The following CAST variants were observed in gnomAD, a reference collection of about 807,000 sequenced individuals.
CAST encodes calpastatin, also known as MIR583 host.
A neutral mutation model predicts 119.6 loss-of-function variants in CAST; 76 were observed. The observed-to-expected ratio is 0.64, with a 90% CI of 0.53 to 0.77. The LOEUF (loss-of-function observed/expected upper bound fraction) is 0.77. CAST is among the 30% of genes least tolerant of loss of function. The pLI is 0.00. For synonymous variants in CAST, 319 were observed against 331.6 expected, an observed-to-expected ratio of 0.96 and a Z score of 0.41; for missense variants, 953 against 946.5, an observed-to-expected ratio of 1.01 and a Z score of -0.09.
chr5:96,648,180 C>T lies in CAST; in HGVS notation c.61-27359C>T, dbSNP rs1175252349. Reference sequence around the variant, plus strand: ...TTGGATGTTTTTACTCAAGTTGTTTCTTCTGCCTAGAATGACTTACCACCC... The same window carrying T: ...TTGGATGTTTTTACTCAAGTTGTTTTTTCTGCCTAGAATGACTTACCACCC... On this transcript the variant is annotated intron_variant, in intron 1 of 11. Coordinates refer to the CAST transcript ENST00000505143. Among the ~76,000 whole-genome samples, 12 of 152,306 alleles carry T rather than the reference C, an allele frequency of 7.9e-5. No individual in the cohort carries two copies. The East Asian group carries it at 2.3e-3, about 29-fold the overall frequency.
the CAST span, among the ~76,000 whole-genome samples, chr5:96,095,180 T>C: frequency 6.6e-6 from 1 of 152,222 alleles, no homozygotes; most frequent in African/African-American, 2.4e-5. Context: ...CACATGGCTC[T>C]AGGAAATGCT....
chr5:96,256,455 T>C, the CAST span, among the ~76,000 whole-genome samples: 1 of 150,790 alleles, frequency 6.6e-6, no homozygotes, highest in Non-Finnish European at 1.5e-5. Context: ...TTAGGCAATT[T>C]TGTCATTGTG....
chr5:96,304,224 G>C, the CAST span, among the ~76,000 whole-genome samples: 1 of 152,172 alleles, frequency 6.6e-6, no homozygotes, highest in East Asian at 1.9e-4. Context: ...TTTGTCATAT[G>C]TTTTTGGCCA....
At chr5:96,462,054 A>G in the CAST span, among the ~76,000 whole-genome samples, 1 of 152,122 alleles carries the variant, frequency 6.6e-6, no homozygotes, top group African/African-American at 2.4e-5. Context: ...GAATCAAGGA[A>G]TCTGGATGCC....
chr5:96,436,597 G>A, the CAST span, among the ~76,000 whole-genome samples: 20 of 152,070 alleles, frequency 1.3e-4, no homozygotes, highest in Admixed American at 3.3e-4. Flanking sequence ...TAATATAGCC[G>A]TCTTTATTTT....
chr5:96,239,012 TTG>T, the CAST span, among the ~76,000 whole-genome samples: 3 of 152,142 alleles, frequency 2.0e-5, no homozygotes, highest in Admixed American at 6.5e-5. Flanking sequence ...TTCAGATTGG[TTG>T]TGTTATTTGC....
chr5:96,520,335 C>A (rs1385993145), upstream of CAST, among the ~76,000 whole-genome samples: 1 of 152,258 alleles, frequency 6.6e-6, no homozygotes, highest in South Asian at 2.1e-4. Flanking sequence ...TGTGCTCTGT[C>A]TGCTGTCTTC....
At chr5:96,256,919 A>C in the CAST span, among the ~76,000 whole-genome samples, 60 of 152,266 alleles carry the variant, frequency 3.9e-4, no homozygotes, top group African/African-American at 1.3e-3. Flanking sequence ...TTAATTGATG[A>C]CACTGGCAGA....
intron 3 of CAST, among the ~76,000 whole-genome samples, chr5:96,701,805 C>CAA (rs1259689905): frequency 0.074 from 9,127 of 123,524 alleles, 537 homozygotes; most frequent in East Asian, 0.23. Flanking sequence ...AATCCCACCT[C>CAA]AAAAAAAAAA....
intron 16 of CAST, chr5:96,743,846 G>A: frequency 1.2e-6 from 1 of 819,374 alleles, no homozygotes; most frequent in South Asian, 1.8e-5. Context: ...AGGAAAGCGG[G>A]GTGTTGGCAG....
At chr5:96,406,204 C>T in the CAST span, among the ~76,000 whole-genome samples, 2 of 152,112 alleles carry the variant, frequency 1.3e-5, no homozygotes, top group Non-Finnish European at 2.9e-5. Context: ...AGACTGAACC[C>T]CACAAGTAAA....
chr5:96,185,406 G>A, the CAST span, among the ~76,000 whole-genome samples: 7 of 152,052 alleles, frequency 4.6e-5, no homozygotes, highest in African/African-American at 7.2e-5. Flanking sequence ...TGCTGTTTTC[G>A]TTATGAAATC....
At chr5:96,429,101 G>T in the CAST span, 5,224 of 672,646 alleles carry the variant, frequency 7.8e-3, 203 homozygotes, top group African/African-American at 0.085. Flanking sequence ...AAACAATCTT[G>T]GTCACAATAA....
chr5:96,187,567 G>C, the CAST span, among the ~76,000 whole-genome samples: 2,353 of 152,256 alleles, frequency 0.015, 29 homozygotes, highest in Non-Finnish European at 0.025. Flanking sequence ...TAGTTTCAAA[G>C]AACTTCTTGT....
At chr5:96,254,565 A>G in the CAST span, among the ~76,000 whole-genome samples, 9 of 152,208 alleles carry the variant, frequency 5.9e-5, no homozygotes, top group Admixed American at 5.2e-4. Flanking sequence ...TTCCATGTCT[A>G]CATTTTAAAA....
At chr5:96,357,292 C>T in the CAST span, among the ~76,000 whole-genome samples, 4 of 152,170 alleles carry the variant, frequency 2.6e-5, no homozygotes, top group East Asian at 5.8e-4. Flanking sequence ...GACAATTTGA[C>T]TTCCTCTCTT....
chr5:96,650,863 A>G (rs1364926885), intron 1 of CAST, among the ~76,000 whole-genome samples: 1 of 152,006 alleles, frequency 6.6e-6, no homozygotes, highest in Non-Finnish European at 1.5e-5. Flanking sequence ...GAGATAGAGA[A>G]GGTTTAGCAA....
At chr5:96,342,714 CCTT>C in the CAST span, among the ~76,000 whole-genome samples, 1 of 152,166 alleles carries the variant, frequency 6.6e-6, no homozygotes, top group Admixed American at 6.5e-5. Flanking sequence ...CCGTATGACT[CCTT>C]CTCATTGAGA....
chr5:96,168,072 G>A, the CAST span, among the ~76,000 whole-genome samples: 5,571 of 152,280 alleles, frequency 0.037, 253 homozygotes, highest in African/African-American at 0.11. Flanking sequence ...ATGGGCCTGT[G>A]AGGCTGGAAG....
Sources: allele counts gnomAD v4.1 joint callset (sites outside exome capture counted in the v4.1 genomes callset), GRCh38; gene constraint gnomAD v4.1.1; transcripts MANE v1.5; gene names NCBI Gene and HGNC (gene_info 2026-07-23, HGNC 2026-07-21).